MYO18B: variants seen among roughly 807,000 people sequenced by gnomAD.
MYO18B encodes the protein unconventional myosin-XVIIIb.
MYO18B carries 204 observed loss-of-function variants against 273.0 expected under a neutral mutation model. That is an observed-to-expected ratio of 0.75 (90% CI 0.67 to 0.84). MYO18B has a LOEUF of 0.84. MYO18B is among the 40% of genes least tolerant of loss of function. The probability of loss-of-function intolerance (pLI) is 0.00; values close to 1 mark genes in which losing one functional copy is unlikely to be tolerated. For synonymous variants in MYO18B, 1,330 were observed against 1,305.7 expected (o/e 1.02, Z -0.40); for missense variants, 3,212 against 3,287.6 (o/e 0.98, Z 0.56).
the MYO18B span, among the ~76,000 whole-genome samples, chr22:26,049,339 G>T: frequency 6.6e-6 from 1 of 152,204 alleles, no homozygotes; most frequent in African/African-American, 2.4e-5. Context: ...TAATTTCAGT[G>T]CAATTGCTTC....
chr22:26,018,297 T>C (rs1420095224), intron 42 of MYO18B, among the ~76,000 whole-genome samples: 1 of 152,170 alleles, frequency 6.6e-6, no homozygotes, highest in Non-Finnish European at 1.5e-5. Flanking sequence ...TGTGTCTGTT[T>C]CCTGACTCTA....
chr22:25,873,135 T>C (rs186935243), intron 22 of MYO18B, among the ~76,000 whole-genome samples: 1 of 152,320 alleles, frequency 6.6e-6, no homozygotes, highest in Non-Finnish European at 1.5e-5. Flanking sequence ...TCCAGGACTC[T>C]CTGCCTTAAT....
At chr22:25,911,345 T>C (rs1297629422) in intron 33 of MYO18B, among the ~76,000 whole-genome samples, 1 of 152,218 alleles carries the variant, frequency 6.6e-6, no homozygotes, top group Admixed American at 6.5e-5. Flanking sequence ...TAAGGGGATG[T>C]ATGTGAATGG....
chr22:25,990,686 C>CAAAAAAAAAAAAA (rs745998234), intron 39 of MYO18B, among the ~76,000 whole-genome samples: 1 of 27,040 alleles, frequency 3.7e-5, no homozygotes. Flanking sequence ...GACTTTGTCT[C>CAAAAAAAAAAAAA]AAAAAAAAAA....
intron 39 of MYO18B, among the ~76,000 whole-genome samples, chr22:25,988,779 C>T (rs2093229512): frequency 6.6e-6 from 1 of 152,166 alleles, no homozygotes; most frequent in Admixed American, 6.5e-5. Flanking sequence ...AGCTCATTTA[C>T]TCCTCGCAAA....
intron 42 of MYO18B, among the ~76,000 whole-genome samples, chr22:26,016,629 C>T (rs1935350626): frequency 1.3e-5 from 2 of 152,202 alleles, no homozygotes; most frequent in African/African-American, 2.4e-5. Flanking sequence ...TCCACAATCC[C>T]CCATCTTTCT....
intron 7 of MYO18B, among the ~76,000 whole-genome samples, chr22:25,775,339 C>T (rs1165670223): frequency 6.6e-6 from 1 of 152,190 alleles, no homozygotes; most frequent in East Asian, 1.9e-4. Context: ...ACAGCCCCAG[C>T]CCCAAGCTAG....
intron 11 of MYO18B, among the ~76,000 whole-genome samples, chr22:25,790,158 A>AAAT (rs3069287): frequency 6.6e-6 from 1 of 152,188 alleles, no homozygotes; most frequent in Non-Finnish European, 1.5e-5. Context: ...GTCTCAAAAA[A>AAAT]AAACAACAAA....
chr22:25,851,035 G>A (rs1247535843), intron 20 of MYO18B, among the ~76,000 whole-genome samples: 1 of 152,184 alleles, frequency 6.6e-6, no homozygotes, highest in Non-Finnish European at 1.5e-5. Flanking sequence ...CACATACAGT[G>A]TATGGGGTGG....
intron 28 of MYO18B, among the ~76,000 whole-genome samples, chr22:25,896,025 T>A (rs977329833): frequency 1.3e-5 from 2 of 152,156 alleles, no homozygotes; most frequent in Non-Finnish European, 2.9e-5. Flanking sequence ...TTTAACATTC[T>A]GTTGACTTTG....
At chr22:25,863,505 G>T (rs568214890) in intron 21 of MYO18B, among the ~76,000 whole-genome samples, 1 of 152,178 alleles carries the variant, frequency 6.6e-6, no homozygotes, top group East Asian at 1.9e-4. Context: ...AAAATTACAG[G>T]ATCTGTCTCC....
At chr22:25,952,770 C>A (rs1008801746) in intron 38 of MYO18B, among the ~76,000 whole-genome samples, 36 of 152,254 alleles carry the variant, frequency 2.4e-4, no homozygotes, top group African/African-American at 8.7e-4. Context: ...TCTGCCCATT[C>A]TTCTATGCAT....
At chr22:25,905,045 G>A (rs951349214) in intron 31 of MYO18B, among the ~76,000 whole-genome samples, 11 of 150,068 alleles carry the variant, frequency 7.3e-5, no homozygotes, top group African/African-American at 2.8e-4. Flanking sequence ...TTATTTTAAA[G>A]TGTTTTTTTT....
chr22:25,781,627 A>AAAAAT (rs71322765), intron 9 of MYO18B, 107 bp from the exon 10 acceptor site: 2 of 508,564 alleles, frequency 3.9e-6, no homozygotes, highest in Non-Finnish European at 6.3e-6. Flanking sequence ...AAAAAAAAAG[A>AAAAAT]GTGGATCAGA....
chr22:25,952,509 A>G (rs575893825), intron 38 of MYO18B, 86 bp downstream of exon 38: 11 of 1,503,990 alleles, frequency 7.3e-6, no homozygotes, highest in Admixed American at 5.7e-5. Context: ...CTACTCATCT[A>G]TCTACTCACA....
chr22:25,833,681 C>T lies in MYO18B; in HGVS notation c.3060+684C>T, dbSNP rs372282098. On this transcript the variant is annotated intron_variant, in intron 16 of 43. Coordinates refer to ENST00000335473, the MANE Select transcript of MYO18B (RefSeq NM_032608.7). The stretch of plus-strand genomic sequence containing the variant: ...TGACCTTGGGCATGTTACTTCACCT[C>T]TCTGAGCCTCAGTTTCCTCATTTCC... Among the ~76,000 whole-genome samples the T allele has an allele frequency of 1.5e-3, 228 of 152,354 alleles. 10 individuals are homozygous for T. In the South Asian group the frequency reaches 0.046, roughly 31 times the overall value.
In MYO18B at chr22:25,918,715, T is replaced by A. The variant is rs17634528; in HGVS notation, c.5365-2542T>A. 5.1e-3 allele frequency among the ~76,000 whole-genome samples: 774 copies of A among 152,342 alleles called. 9 individuals are homozygous for A. Among genetic ancestry groups the A allele is most frequent in the Middle Eastern group, 0.031 (9 of 294 alleles). On this transcript the variant is annotated intron_variant, in intron 33 of 43. Transcript: ENST00000335473. ...TGTCAACATCAGGGAATGTCCCTGA[T>A]GCTAACTCGCCCCACAGGAGAATTA...
chr22:25,905,956 G>A (rs1317209186), intron 31 of MYO18B, among the ~76,000 whole-genome samples: 1 of 152,318 alleles, frequency 6.6e-6, no homozygotes, highest in East Asian at 1.9e-4. Flanking sequence ...AAGCCCTCTT[G>A]AAAACTGTGT....
intron 39 of MYO18B, among the ~76,000 whole-genome samples, chr22:25,965,826 A>G (rs1286445150): frequency 6.6e-6 from 1 of 152,194 alleles, no homozygotes; most frequent in Non-Finnish European, 1.5e-5. Context: ...AAATTTAGCT[A>G]TCAGCTCTTG....
Sources: gnomAD v4.1 joint callset for allele counts (sites outside exome capture counted in the v4.1 genomes callset) on GRCh38, gnomAD v4.1.1 for gene constraint, MANE v1.5 for transcripts, NCBI Gene and HGNC (gene_info 2026-07-23, HGNC 2026-07-21) for gene names.